NRG3: variants seen among roughly 807,000 people sequenced by gnomAD.
NRG3 encodes neuregulin 3.
A neutral mutation model predicts 66.9 loss-of-function variants in NRG3; 31 were observed. That is an observed-to-expected ratio of 0.46 (90% CI 0.35 to 0.63). The LOEUF (loss-of-function observed/expected upper bound fraction) is 0.63, where lower values mean the gene tolerates loss of function less well. Among genes scored for constraint, NRG3 ranks in the 20% least tolerant of loss-of-function variants. The probability of loss-of-function intolerance (pLI) is 0.00; values close to 1 mark genes in which losing one functional copy is unlikely to be tolerated. For missense variants in NRG3, 910 were observed against 878.9 expected, an observed-to-expected ratio of 1.04 and a Z score of -0.45; for synonymous variants, 393 against 359.4, an observed-to-expected ratio of 1.09 and a Z score of -1.06.
At chr10:82,774,824 T>TC (rs1565301454) in intron 3 of NRG3, among the ~76,000 whole-genome samples, 4 of 135,848 alleles carry the variant, frequency 2.9e-5, no homozygotes, top group Admixed American at 1.4e-4. Context: ...CTTTTTTCTT[T>TC]TTTTTTTTTT....
chr10:82,917,807 G>C (rs890454124), intron 4 of NRG3, among the ~76,000 whole-genome samples: 11 of 151,902 alleles, frequency 7.2e-5, no homozygotes, highest in Non-Finnish European at 1.5e-4. Context: ...TGTTGTCTTG[G>C]ACTGAATTTA....
rs562700570 is a variant in NRG3 at position 81,909,637 on chromosome 10, TTGA to T, written c.823+33480_823+33482del. 5.3e-5 allele frequency among the ~76,000 whole-genome samples: 8 copies of T among 152,272 alleles called. No individual in the cohort carries two copies. In the South Asian group the frequency reaches 1.7e-3, roughly 32 times the overall value. ...GAGTAACAACAACATAAAAGGCCTA[TTGA>T]TGATGTCTTAAGGGCTCTTTGAGAA... is the stretch of plus-strand genomic sequence containing the variant. On this transcript the variant is annotated intron_variant, in intron 1 of 8. Transcript: ENST00000372141.
chr10:82,036,442 C>A (rs2132948706), intron 1 of NRG3, among the ~76,000 whole-genome samples: 1 of 152,214 alleles, frequency 6.6e-6, no homozygotes, highest in East Asian at 1.9e-4. Context: ...ATGAAGAAAC[C>A]AGGCTCGGGG....
At chr10:82,903,175 A>G (rs952212738) in intron 4 of NRG3, among the ~76,000 whole-genome samples, 10 of 152,306 alleles carry the variant, frequency 6.6e-5, no homozygotes, top group Middle Eastern at 3.4e-3. Flanking sequence ...TCTTCACTGC[A>G]TACCATTCAC....
chr10:81,943,871 A>G (rs569688630), intron 1 of NRG3, among the ~76,000 whole-genome samples: 1 of 152,262 alleles, frequency 6.6e-6, no homozygotes, highest in South Asian at 2.1e-4. Flanking sequence ...CTCCAAGAGG[A>G]AAGTGGGGGG....
At position 81,875,935 on chromosome 10, in the gene NRG3, C is replaced by G. The variant is rs144046974; in HGVS notation, c.595C>G (p.Pro199Ala). 18 of 1,613,626 alleles carry G rather than the reference C, an allele frequency of 1.1e-5. No individual in the cohort carries two copies. The highest frequency in any genetic ancestry group is 2.2e-5 in the South Asian group (2 of 91,082). ...TGCGACGGTCCCGTCCACCACGGCC[C>G]CGTTCTTCAGTAGCAGCACGCTGGG... The part of the protein sequence containing the change: ...APATVPSTTA[P>A]FFSSSTLGSR... Residue 199 changes from proline (P) to alanine (A), a missense_variant, in exon 1 of 9, where the codon CCG becomes GCG. Coordinates refer to ENST00000372141, the MANE Select transcript of NRG3 (RefSeq NM_001010848.4). This position sits in a 1 kb window ranked among gnomAD's most constrained non-coding sequence, Gnocchi z 5.3.
At chr10:82,011,729 G>A (rs944813621) in intron 1 of NRG3, among the ~76,000 whole-genome samples, 4 of 152,084 alleles carry the variant, frequency 2.6e-5, no homozygotes, top group African/African-American at 9.7e-5. Flanking sequence ...AATCCAGCGG[G>A]GTAGTCAAAT....
At chr10:81,981,937 G>A (rs1425984702) in intron 1 of NRG3, among the ~76,000 whole-genome samples, 2 of 152,044 alleles carry the variant, frequency 1.3e-5, no homozygotes, top group Non-Finnish European at 2.9e-5. Context: ...AGATCTATGA[G>A]TCACATCCAT....
At chr10:82,041,351 A>C (rs920323010) in intron 1 of NRG3, among the ~76,000 whole-genome samples, 1 of 151,998 alleles carries the variant, frequency 6.6e-6, no homozygotes, top group Non-Finnish European at 1.5e-5. Flanking sequence ...TCAGTTCTAG[A>C]GCCCACTGTG....
intron 6 of NRG3, among the ~76,000 whole-genome samples, chr10:82,972,971 A>G (rs1440790335): frequency 1.3e-5 from 2 of 152,102 alleles, no homozygotes; most frequent in Non-Finnish European, 2.9e-5. Flanking sequence ...CAGATTCAAA[A>G]CTCTCTTTTA....
At chr10:82,981,323 G>C (rs189617539) in intron 8 of NRG3, among the ~76,000 whole-genome samples, 19 of 152,304 alleles carry the variant, frequency 1.2e-4, no homozygotes, top group Middle Eastern at 3.4e-3. Flanking sequence ...TCCCATGTGT[G>C]ATATCCACCA....
At chr10:82,011,237 C>A (rs1341660787) in intron 1 of NRG3, among the ~76,000 whole-genome samples, 2 of 152,098 alleles carry the variant, frequency 1.3e-5, no homozygotes, top group African/African-American at 4.8e-5. Context: ...TGATAACAGG[C>A]AAGAGAGCTT....
intron 1 of NRG3, among the ~76,000 whole-genome samples, chr10:82,248,860 C>G (rs2077362438): frequency 6.6e-6 from 1 of 152,148 alleles, no homozygotes; most frequent in Non-Finnish European, 1.5e-5. Context: ...CAATTTTAAT[C>G]AGGCCCTCAA....
At chr10:82,275,032 G>C (rs763225720) in intron 1 of NRG3, among the ~76,000 whole-genome samples, 16 of 151,948 alleles carry the variant, frequency 1.1e-4, no homozygotes, top group Non-Finnish European at 7.4e-5. Context: ...CCTCCATCTA[G>C]AGTGTCATAT....
At chr10:82,554,235 C>T (rs555906871) in intron 2 of NRG3, among the ~76,000 whole-genome samples, 3 of 152,142 alleles carry the variant, frequency 2.0e-5, no homozygotes, top group Admixed American at 6.6e-5. Flanking sequence ...GTGACTATCA[C>T]GGACAGTATT....
At chr10:82,408,062 A>AGAGAGC (rs1554911076) in intron 2 of NRG3, among the ~76,000 whole-genome samples, 51 of 131,260 alleles carry the variant, frequency 3.9e-4, no homozygotes, top group East Asian at 2.8e-3. Flanking sequence ...AGAGAGAGAG[A>AGAGAGC]GAGAGAGAGA....
intron 1 of NRG3, among the ~76,000 whole-genome samples, chr10:82,337,182 T>C (rs1181834242): frequency 6.6e-6 from 1 of 152,206 alleles, no homozygotes; most frequent in Non-Finnish European, 1.5e-5. Flanking sequence ...TCTTTCCTGC[T>C]TCTGGCAACC....
At chr10:81,906,862 C>G (rs537520203) in intron 1 of NRG3, among the ~76,000 whole-genome samples, 1 of 152,128 alleles carries the variant, frequency 6.6e-6, no homozygotes, top group Non-Finnish European at 1.5e-5. Context: ...GTGAGGAGTT[C>G]TGATTTCAAA....
intron 1 of NRG3, among the ~76,000 whole-genome samples, chr10:82,291,155 AACACACACAC>A (rs139150473): frequency 6.7e-6 from 1 of 150,372 alleles, no homozygotes; most frequent in South Asian, 2.1e-4. Flanking sequence ...CAAGATTAAC[AACACACACAC>A]ACACACACGC....
Sources: gnomAD v4.1 joint callset for allele counts (sites outside exome capture counted in the v4.1 genomes callset) on GRCh38, gnomAD v4.1.1 for gene constraint, Gnocchi (gnomAD v3.1) non-coding constraint, MANE v1.5 for transcripts, NCBI Gene and HGNC (gene_info 2026-07-23, HGNC 2026-07-21) for gene names.